Variants in RPS6KA2 observed in about 807,000 individuals in gnomAD.
RPS6KA2 encodes the protein ribosomal protein S6 kinase A2.
A neutral mutation model predicts 91.8 loss-of-function variants in RPS6KA2; 42 were observed. That is an observed-to-expected ratio of 0.46 (90% CI 0.36 to 0.59). RPS6KA2 has a LOEUF of 0.59. Ranked by LOEUF, RPS6KA2 falls within the 20% of genes least tolerant of loss-of-function variation. RPS6KA2 has a pLI of 0.00. For synonymous variants in RPS6KA2, 414 were observed against 393.6 expected, an observed-to-expected ratio of 1.05 and a Z score of -0.61; for missense variants, 798 against 978.5, an observed-to-expected ratio of 0.82 and a Z score of 2.46.
chr6:166,596,730 C>A (rs1411208362), intron 1 of RPS6KA2, among the ~76,000 whole-genome samples: 2 of 152,314 alleles, frequency 1.3e-5, no homozygotes, highest in African/African-American at 2.4e-5. Context: ...TGAGTCAATT[C>A]TCCTTAATAA....
rs561476197 is a variant in RPS6KA2, at chr6:166,509,010, G to A, written c.380-728C>T. 5.8e-4 allele frequency among the ~76,000 whole-genome samples: 88 copies of A among 152,316 alleles called. 2 individuals carry two copies. In the South Asian group the frequency reaches 0.015, roughly 26 times the overall value. On this transcript the variant is annotated intron_variant, in intron 4 of 20. Transcript: ENST00000265678. ...GCTGCAGTGGCACTGGTGAGGCACC[G>A]CGTGGCATCTTTTTTATCTACAAAG...
chr6:166,514,712 G>A (rs1323633630), intron 3 of RPS6KA2, among the ~76,000 whole-genome samples: 1 of 152,334 alleles, frequency 6.6e-6, no homozygotes, highest in South Asian at 2.1e-4. Context: ...AATGGACAAC[G>A]TGGCTAGAAT....
At chr6:166,632,996 C>T (rs1005012873) in intron 2 of RPS6KA2, among the ~76,000 whole-genome samples, 3 of 152,220 alleles carry the variant, frequency 2.0e-5, no homozygotes, top group African/African-American at 7.2e-5. Flanking sequence ...GGGCAGATCA[C>T]TTGAGCCCAG....
chr6:166,518,531 G>C (rs1384296442), intron 3 of RPS6KA2, among the ~76,000 whole-genome samples: 1 of 152,108 alleles, frequency 6.6e-6, no homozygotes, highest in Non-Finnish European at 1.5e-5. Context: ...ATAATAAACA[G>C]AGAATCCAGC....
At chr6:166,760,510 G>T (rs1055183059) in intron 2 of RPS6KA2, among the ~76,000 whole-genome samples, 4 of 152,216 alleles carry the variant, frequency 2.6e-5, no homozygotes, top group African/African-American at 9.7e-5. Flanking sequence ...TCGCGGTCTG[G>T]TTTGAGACTG....
intron 12 of RPS6KA2, 32 bp from the exon 13 acceptor site, chr6:166,451,265 A>C: frequency 6.2e-7 from 1 of 1,611,654 alleles, no homozygotes; most frequent in Non-Finnish European, 8.5e-7. Context: ...TTCAGATGCC[A>C]CGAAAGCTGG....
chr6:166,749,687 T>G (rs77289246), intron 2 of RPS6KA2, among the ~76,000 whole-genome samples: 6 of 1,312 alleles, frequency 4.6e-3, no homozygotes, highest in African/African-American at 0.014. Context: ...ATCTCCTCGG[T>G]CCCCCATTTC....
At chr6:166,783,518 G>A (rs905808708) in intron 2 of RPS6KA2, among the ~76,000 whole-genome samples, 1 of 151,940 alleles carries the variant, frequency 6.6e-6, no homozygotes, top group African/African-American at 2.4e-5. Flanking sequence ...TCTCTAGATA[G>A]ACAGATATAG....
rs1419494597 is a variant in RPS6KA2 at position 166,418,127 on chromosome 6, A to G, written c.1938+98T>C. On this transcript the variant is annotated intron_variant, in intron 19 of 20. Transcript: ENST00000265678. The surrounding 1 kb of genome is among the most constrained non-coding windows in gnomAD (Gnocchi z 4.9). Reference sequence around the variant, plus strand: ...AAAATATGCTGAGGATAAAATACCTATACTACTTACATAAAACCTATCCCC... The same window carrying G: ...AAAATATGCTGAGGATAAAATACCTGTACTACTTACATAAAACCTATCCCC... 1.2e-6 allele frequency: 1 copy of G among 800,022 alleles called. No homozygotes were observed. The highest frequency in any genetic ancestry group is 2.5e-4 in the Middle Eastern group (1 of 4,062). 49.6% of individuals were successfully genotyped at this position (800,022 alleles called of 1,614,324 possible). A position where few individuals can be genotyped will look rare whatever the true frequency, so the allele number is the denominator to read the frequency against.
Position 166,800,638 on chromosome 6 carries a change from C to T in RPS6KA2, c.123+57562G>A, listed in dbSNP as rs115598044. On this transcript the variant is annotated intron_variant, in intron 2 of 21. Transcript: ENST00000503859. Reference sequence around the variant, plus strand: ...ACCAGACACCGAACCTACAGTGCCTCGATCTTGGACTTCCGGCCTCCAGAA... The same window carrying T: ...ACCAGACACCGAACCTACAGTGCCTTGATCTTGGACTTCCGGCCTCCAGAA... Among the ~76,000 whole-genome samples the T allele has an allele frequency of 3.9e-3, 590 of 152,236 alleles. 3 individuals carry two copies. The highest frequency in any genetic ancestry group is 0.014 in the African/African-American group (569 of 41,532).
At chr6:166,688,940 C>T (rs1325573460) in intron 2 of RPS6KA2, among the ~76,000 whole-genome samples, 1 of 152,242 alleles carries the variant, frequency 6.6e-6, no homozygotes, top group African/African-American at 2.4e-5. Flanking sequence ...CATGCACAGC[C>T]TGAATGCAGA....
Position 166,554,114 on chromosome 6 carries a change from C to A in RPS6KA2, c.100-15330G>T, listed in dbSNP as rs1003170654. 2.6e-5 allele frequency among the ~76,000 whole-genome samples: 4 copies of A among 152,234 alleles called. No homozygotes were observed. Among genetic ancestry groups the A allele is most frequent in the African/African-American group, 9.6e-5 (4 of 41,466 alleles). On this transcript the variant is annotated intron_variant, in intron 1 of 20. Coordinates refer to ENST00000265678, the MANE Select transcript of RPS6KA2 (RefSeq NM_021135.6). This position sits in a 1 kb window ranked among gnomAD's most constrained non-coding sequence, Gnocchi z 4.3. ...ACATTTGGAATTTTCTAGTGCAGTT[C>A]TTGGTGCTGCCATCACTGAAGCAAC...
rs1396413474 is a variant in RPS6KA2, at chr6:166,494,412, C to CA, written c.748-3672dup. ...GAACCATCCGTGTTTGCTATGGTGGCATAAGGACACATCACATGGCACCTG... is the reference window on the plus strand; with the variant it reads ...GAACCATCCGTGTTTGCTATGGTGGCAATAAGGACACATCACATGGCACCTG... On this transcript the variant is annotated intron_variant, in intron 8 of 20. Coordinates refer to ENST00000265678, the MANE Select transcript of RPS6KA2 (RefSeq NM_021135.6). This position sits in a 1 kb window ranked among gnomAD's most constrained non-coding sequence, Gnocchi z 5.1. Among the ~76,000 whole-genome samples, 1 of 152,188 alleles carries CA rather than the reference C, an allele frequency of 6.6e-6. No individual in the cohort carries two copies. The highest frequency in any genetic ancestry group is 2.4e-5 in the African/African-American group (1 of 41,430).
intron 1 of RPS6KA2, among the ~76,000 whole-genome samples, chr6:166,543,640 G>A (rs915756289): frequency 6.6e-6 from 1 of 152,126 alleles, no homozygotes; most frequent in African/African-American, 2.4e-5. Flanking sequence ...TTTCCCCTGG[G>A]CACAGTCCCT....
At chr6:166,538,806 G>A in intron 1 of RPS6KA2, 22 bp from the exon 2 acceptor site, 1 of 1,339,130 alleles carries the variant, frequency 7.5e-7, no homozygotes, top group Non-Finnish European at 1.1e-6. Flanking sequence ...CGGCACGGGT[G>A]AGAAACACAC....
Position 166,701,543 on chromosome 6 carries a change from G to A in RPS6KA2, c.123+156657C>T. The A allele has an allele frequency of 2.8e-6, 4 of 1,445,130 alleles. No individual in the cohort carries two copies. The South Asian group carries it at 3.4e-5, about 12-fold the overall frequency. The allele number at this position is 1,445,130 out of a possible 1,614,324, so 89.5% of individuals were successfully genotyped here. On this transcript the variant is annotated intron_variant, in intron 2 of 21. Transcript: ENST00000503859. ...GAAGCTCCAGCAAAGCGAGAAAGCT[G>A]CTTGATGTGCTGGCCCTGCTTGCTG...
Position 166,729,436 on chromosome 6 carries a change from C to G in RPS6KA2, c.123+128764G>C, listed in dbSNP as rs368231895. On this transcript the variant is annotated intron_variant, in intron 2 of 21. Coordinates refer to the RPS6KA2 transcript ENST00000503859. ...AATCACGGCTCACTGCAGCTTCCAC[C>G]TCCTGGGGCTCAGATGATCCTCTCA... is the stretch of plus-strand genomic sequence containing the variant. Among the ~76,000 whole-genome samples, 14 of 152,364 alleles carry G rather than the reference C, an allele frequency of 9.2e-5. No individual in the cohort carries two copies. In the East Asian group the frequency reaches 2.5e-3, roughly 27 times the overall value.
chr6:166,840,983 GAAA>G (rs1012175379), intron 2 of RPS6KA2, among the ~76,000 whole-genome samples: 3 of 151,568 alleles, frequency 2.0e-5, no homozygotes, highest in African/African-American at 7.3e-5. Flanking sequence ...AAAGAAAAAA[GAAA>G]AAAAGAAAGC....
chr6:166,757,126 T>C (rs1778034764), intron 2 of RPS6KA2, among the ~76,000 whole-genome samples: 1 of 152,098 alleles, frequency 6.6e-6, no homozygotes, highest in South Asian at 2.1e-4. Context: ...TCTTGAAGAG[T>C]TGGTTCTCTT....
Sources: gnomAD v4.1 joint callset for allele counts (sites outside exome capture counted in the v4.1 genomes callset) on GRCh38, gnomAD v4.1.1 for gene constraint, Gnocchi (gnomAD v3.1) non-coding constraint, MANE v1.5 for transcripts, NCBI Gene and HGNC (gene_info 2026-07-23, HGNC 2026-07-21) for gene names.